The following ANKRD11 variants were observed in gnomAD, a reference collection of about 807,000 sequenced individuals.
The protein encoded by ANKRD11 is ankyrin repeat domain 11.
ANKRD11 carries 17 observed loss-of-function variants against 195.7 expected under a neutral mutation model. That is an observed-to-expected ratio of 0.09 (90% CI 0.06 to 0.13). ANKRD11 has a LOEUF of 0.13. ANKRD11 is among the 10% of genes least tolerant of loss of function. The pLI is 1.00. For synonymous variants in ANKRD11, 1,953 were observed against 1,528.1 expected (o/e 1.28, Z -6.49); for missense variants, 3,735 against 3,566.1 (o/e 1.05, Z -1.21).
intron 2 of ANKRD11, among the ~76,000 whole-genome samples, chr16:89,358,269 C>T (rs1275917650): frequency 6.6e-6 from 1 of 152,246 alleles, no homozygotes; most frequent in Admixed American, 6.5e-5. Context: ...TTGCAGAAGA[C>T]GTAGAGCACA....
intron 2 of ANKRD11, among the ~76,000 whole-genome samples, chr16:89,367,565 C>A (rs908666939): frequency 5.9e-5 from 9 of 152,224 alleles, no homozygotes; most frequent in African/African-American, 1.9e-4. Flanking sequence ...TCCCCTCTAC[C>A]CTGTTCCTGA....
At chr16:89,466,812 C>T (rs2056901921) in intron 1 of ANKRD11, among the ~76,000 whole-genome samples, 3 of 152,186 alleles carry the variant, frequency 2.0e-5, no homozygotes, top group South Asian at 2.1e-4. Flanking sequence ...CAAGTGTGGG[C>T]GGCAGGGGCC....
At position 89,281,884 on chromosome 16, in the gene ANKRD11, T is replaced by A; in HGVS notation, c.4658A>T (p.Asp1553Val). 1 of 1,613,918 alleles carries A rather than the reference T, an allele frequency of 6.2e-7. No homozygotes were observed. The highest frequency in any genetic ancestry group is 8.5e-7 in the Non-Finnish European group (1 of 1,180,034). Reference sequence around the variant, plus strand: ...TGGGTCTTTGGATGGCGCTACCTTATCATTCCCGTTGCTCATCTTCACTGG... The same window carrying A: ...TGGGTCTTTGGATGGCGCTACCTTAACATTCCCGTTGCTCATCTTCACTGG... Reference protein sequence around the residue: ...GDPVKMSNGNDKVAPSKDPGK... With the variant: ...GDPVKMSNGNVKVAPSKDPGK... Residue 1553 changes from aspartate to valine, a missense_variant, in exon 9 of 13, where the codon GAT becomes GTT. By Grantham distance (152) the Asp-to-Val change is radical (BLOSUM62 -3). Coordinates refer to ENST00000301030, the MANE Select transcript of ANKRD11 (RefSeq NM_013275.6). The surrounding 1 kb of genome is among the most constrained non-coding windows in gnomAD (Gnocchi z 5.5).
At chr16:89,383,580 TG>T (rs1478964512) in intron 2 of ANKRD11, among the ~76,000 whole-genome samples, 1 of 152,180 alleles carries the variant, frequency 6.6e-6, no homozygotes, top group Admixed American at 6.5e-5. Context: ...CGGCCAGGAA[TG>T]GCCAAAGCCG....
chr16:89,287,857 C>G (rs895231750), intron 7 of ANKRD11: 2 of 277,486 alleles, frequency 7.2e-6, no homozygotes, highest in Admixed American at 4.7e-5. Context: ...AGGAGCACGA[C>G]GGGCACCAGC....
chr16:89,384,832 C>T (rs149756620), intron 2 of ANKRD11, among the ~76,000 whole-genome samples: 233 of 145,060 alleles, frequency 1.6e-3, no homozygotes, highest in African/African-American at 5.3e-3. Context: ...TGAGAACATA[C>T]GTGTGTAAGA....
intron 7 of ANKRD11, 66 bp from the exon 8 acceptor site, chr16:89,286,252 A>T (rs1009967357): frequency 6.3e-7 from 1 of 1,595,934 alleles, no homozygotes; most frequent in African/African-American, 1.3e-5. Context: ...CGTTCCGCAT[A>T]ACACGGCAGC....
chr16:89,425,177 CCA>C (rs1226780195), intron 1 of ANKRD11, among the ~76,000 whole-genome samples: 2 of 151,920 alleles, frequency 1.3e-5, no homozygotes, highest in Non-Finnish European at 2.9e-5. Context: ...CACAATAATC[CCA>C]CAGAGTAGGT....
Position 89,393,332 on chromosome 16 carries a change from A to G in ANKRD11, c.-60+24952T>C, listed in dbSNP as rs373915114. On this transcript the variant is annotated intron_variant, in intron 2 of 12. Transcript: ENST00000301030. ...TATTTTTATTTTTTTTTTTTTTGAGACGGAGGCTTGCTCTGTAGTGCGAGA... is the reference window on the plus strand; with the variant it reads ...TATTTTTATTTTTTTTTTTTTTGAGGCGGAGGCTTGCTCTGTAGTGCGAGA... Among the ~76,000 whole-genome samples, 25 of 139,710 alleles carry G rather than the reference A, an allele frequency of 1.8e-4. No homozygotes were observed. In the South Asian group the frequency reaches 5.6e-3, roughly 31 times the overall value. 91.7% of individuals were successfully genotyped at this position (139,710 alleles called of 152,430 possible).
At chr16:89,370,223 G>A (rs949971246) in intron 2 of ANKRD11, among the ~76,000 whole-genome samples, 2 of 152,246 alleles carry the variant, frequency 1.3e-5, no homozygotes, top group Non-Finnish European at 1.5e-5. Flanking sequence ...GGACTCAGGC[G>A]AGGGGAGCCC....
In ANKRD11 at chr16:89,283,765, T is replaced by C. The variant is rs778729229; in HGVS notation, c.2777A>G (p.Lys926Arg). Residue 926 changes from lysine to arginine, a missense_variant, in exon 9 of 13, where the codon AAG (lysine) becomes AGG (arginine). Coordinates refer to ENST00000301030, the MANE Select transcript of ANKRD11 (RefSeq NM_013275.6). The surrounding 1 kb of genome is among the most constrained non-coding windows in gnomAD (Gnocchi z 4.3). ...AAGGTAGCCAGGGACACTTTTATGC[T>C]TTTCGGTCTGCTCTTTCCTCTTCTC... ...NSEKRKEQTE[K>R]HKSVPGYLSE... is the part of the protein sequence containing the mutation. The C allele has an allele frequency of 6.2e-7, 1 of 1,613,542 alleles. No individual in the cohort carries two copies. The highest frequency in any genetic ancestry group is 1.7e-5 in the Admixed American group (1 of 59,908).
intron 2 of ANKRD11, among the ~76,000 whole-genome samples, chr16:89,362,368 G>T (rs1679743987): frequency 6.6e-6 from 1 of 152,192 alleles, no homozygotes. Flanking sequence ...ACTGGAAGCA[G>T]AACCAAAACC....
At chr16:89,396,635 T>A (rs561460925) in intron 2 of ANKRD11, among the ~76,000 whole-genome samples, 2 of 152,048 alleles carry the variant, frequency 1.3e-5, no homozygotes, top group Non-Finnish European at 2.9e-5. Context: ...AAGCCACACA[T>A]TAATGGGGTT....
At chr16:89,381,017 G>A (rs749714468) in intron 2 of ANKRD11, among the ~76,000 whole-genome samples, 2 of 152,054 alleles carry the variant, frequency 1.3e-5, no homozygotes, top group African/African-American at 2.4e-5. Flanking sequence ...GTAAACAATC[G>A]ATCCAAAAAG....
rs747612277 is a variant in ANKRD11, at chr16:89,280,480, G to A, written c.6062C>T (p.Ser2021Phe). ...GACGGGCAGAGCGTACGGGGCAGGA[G>A]AGGCGGGAGGGGCGGGGTACGGCGC... ...SEAPYPAPPA[S>F]PAPYALPVAE... The change falls in exon 9 of 13, where the codon TCT becomes TTT. Residue 2021 changes from serine (S) to phenylalanine (F), a missense_variant. Ser to Phe is a radical substitution (Grantham distance 155). Transcript: ENST00000301030. 4.4e-6 allele frequency: 7 copies of A among 1,587,708 alleles called. No individual in the cohort carries two copies. The highest frequency in any genetic ancestry group is 3.5e-5 in the Admixed American group (2 of 57,056).
chr16:89,436,362 C>A (rs1166377098), intron 1 of ANKRD11, among the ~76,000 whole-genome samples: 1 of 151,952 alleles, frequency 6.6e-6, no homozygotes, highest in East Asian at 1.9e-4. Context: ...TTACAGTGAG[C>A]CAAGATCATG....
intron 1 of ANKRD11, among the ~76,000 whole-genome samples, chr16:89,457,195 G>A (rs926743431): frequency 1.3e-5 from 2 of 150,608 alleles, no homozygotes; most frequent in African/African-American, 4.9e-5. Flanking sequence ...TCCTGACCTC[G>A]TGATCCGCCC....
At chr16:89,271,654 G>A (rs1035432873) in intron 11 of ANKRD11, 3 of 154,128 alleles carry the variant, frequency 1.9e-5, no homozygotes, top group Admixed American at 6.4e-5. Context: ...GGAAAGGACA[G>A]TCTCTTCCGT....
chr16:89,464,589 C>A (rs1356613451), intron 1 of ANKRD11, among the ~76,000 whole-genome samples: 5 of 124,056 alleles, frequency 4.0e-5, no homozygotes, highest in African/African-American at 9.2e-5. Flanking sequence ...GCCTGGGCGA[C>A]AGAGTGAGAC....
Sources: allele counts gnomAD v4.1 joint callset (sites outside exome capture counted in the v4.1 genomes callset), GRCh38; gene constraint gnomAD v4.1.1; non-coding constraint Gnocchi (gnomAD v3.1); transcripts MANE v1.5; gene names NCBI Gene and HGNC (gene_info 2026-07-23, HGNC 2026-07-21).